RAB11A: variants seen among roughly 807,000 people sequenced by gnomAD.
RAB11A encodes the protein ras-related protein Rab-11A.
In RAB11A, 9 loss-of-function variants were observed where a neutral mutation model predicts 28.0. The ratio of observed to expected loss-of-function variants is 0.32; its 90% CI spans 0.19 to 0.56. The LOEUF is 0.56. Ranked by LOEUF, RAB11A falls within the 20% of genes least tolerant of loss-of-function variation. RAB11A has a pLI of 0.91. For missense variants in RAB11A, 108 were observed against 269.6 expected (o/e 0.40, Z 4.20); for synonymous variants, 85 against 88.2 (o/e 0.96, Z 0.20).
intron 4 of RAB11A, among the ~76,000 whole-genome samples, chr15:65,883,248 C>T (rs2078233967): frequency 6.6e-6 from 1 of 152,188 alleles, no homozygotes; most frequent in African/African-American, 2.4e-5. Flanking sequence ...TCAGGTCATG[C>T]GTTTCATTCA....
At chr15:65,876,582 C>CAAGTG (rs1381106415) in intron 1 of RAB11A, among the ~76,000 whole-genome samples, 19 of 152,312 alleles carry the variant, frequency 1.2e-4, no homozygotes, top group Admixed American at 2.6e-4. Flanking sequence ...CAGGTGTGAG[C>CAAGTG]CACCACACCC....
At chr15:65,887,465 C>G (rs2078262463) in intron 4 of RAB11A, among the ~76,000 whole-genome samples, 1 of 152,202 alleles carries the variant, frequency 6.6e-6, no homozygotes, top group Non-Finnish European at 1.5e-5. Context: ...ACTGGTGAAC[C>G]TTTCCCTCTG....
At chr15:65,871,898 G>T (rs1170005200) in intron 1 of RAB11A, among the ~76,000 whole-genome samples, 2 of 140,940 alleles carry the variant, frequency 1.4e-5, no homozygotes, top group African/African-American at 5.2e-5. Context: ...TAATGTGAAA[G>T]AAGTTACTGT....
intron 3 of RAB11A, 120 bp from the exon 4 acceptor site, chr15:65,879,551 C>T (rs1345433189): frequency 1.5e-6 from 1 of 647,412 alleles, no homozygotes; most frequent in Non-Finnish European, 2.7e-6. Flanking sequence ...CTTACTGTCC[C>T]AGAAGTTGAG....
intron 4 of RAB11A, among the ~76,000 whole-genome samples, chr15:65,882,436 A>G (rs1279899141): frequency 6.6e-6 from 1 of 152,220 alleles, no homozygotes; most frequent in East Asian, 1.9e-4. Flanking sequence ...GTGTTTTGAT[A>G]TTGCTGAAAG....
intron 1 of RAB11A, among the ~76,000 whole-genome samples, chr15:65,873,429 T>C (rs1249578345): frequency 4.6e-5 from 7 of 152,254 alleles, no homozygotes; most frequent in Non-Finnish European, 1.0e-4. Flanking sequence ...GGAACTTTGC[T>C]GTCTTGCATC....
At chr15:65,874,869 A>G (rs1050545042) in intron 1 of RAB11A, among the ~76,000 whole-genome samples, 4 of 152,006 alleles carry the variant, frequency 2.6e-5, no homozygotes, top group African/African-American at 4.8e-5. Flanking sequence ...CAACATGGCA[A>G]AACCCCATCT....
At chr15:65,873,565 A>ATATT (rs2078175978) in intron 1 of RAB11A, among the ~76,000 whole-genome samples, 1 of 151,740 alleles carries the variant, frequency 6.6e-6, no homozygotes, top group African/African-American at 2.4e-5. Context: ...ATATATATAT[A>ATATT]TTTTTTGAGG....
chr15:65,881,749 G>A (rs567431573), intron 4 of RAB11A, among the ~76,000 whole-genome samples: 3 of 152,180 alleles, frequency 2.0e-5, no homozygotes, highest in African/African-American at 7.2e-5. Context: ...ATTTTGGGAG[G>A]CTGAGGCAGG....
chr15:65,879,878 A>C, intron 4 of RAB11A, 127 bp downstream of exon 4: 2 of 703,738 alleles, frequency 2.8e-6, no homozygotes, highest in South Asian at 4.4e-5. Context: ...CTACTCTAGC[A>C]AAAGCTGTTT....
chr15:65,876,391 G>C (rs1323082681), intron 1 of RAB11A, among the ~76,000 whole-genome samples: 1 of 151,968 alleles, frequency 6.6e-6, no homozygotes, highest in Non-Finnish European at 1.5e-5. Flanking sequence ...CTGCTTCCCG[G>C]GTTCAAGCTA....
Position 65,887,883 on chromosome 15 carries a change from C to T in RAB11A, c.*43C>T. ...CTAGAAGGCTGTGTATAGTCCATTT[C>T]CCAGGTCTGAGATTTAAATATATTT... On this transcript the variant is annotated 3_prime_UTR_variant, in exon 5 of 5. Coordinates refer to ENST00000261890, the MANE Select transcript of RAB11A (RefSeq NM_004663.5). 6.8e-7 allele frequency: 1 copy of T among 1,464,522 alleles called. No individual in the cohort carries two copies. Among genetic ancestry groups the T allele is most frequent in the Non-Finnish European group, 9.1e-7 (1 of 1,102,098 alleles). The allele number at this position is 1,464,522 out of a possible 1,614,324, so 90.7% of individuals were successfully genotyped here. A position where few individuals can be genotyped will look rare whatever the true frequency, so the allele number is the denominator to read the frequency against.
chr15:65,870,493 A>T (rs918798656), intron 1 of RAB11A, among the ~76,000 whole-genome samples: 3 of 152,094 alleles, frequency 2.0e-5, no homozygotes, highest in African/African-American at 7.2e-5. Flanking sequence ...GTGGCACCCA[A>T]CCCGGGATAA....
At position 65,890,780 on chromosome 15, in the gene RAB11A, A is replaced by G. The variant is rs2078288331; in HGVS notation, c.*2940A>G. 1 of 152,256 alleles carries G rather than the reference A, an allele frequency of 6.6e-6. No individual in the cohort carries two copies. Among genetic ancestry groups the G allele is most frequent in the Admixed American group, 6.5e-5 (1 of 15,288 alleles). 9.4% of individuals were successfully genotyped at this position (152,256 alleles called of 1,614,324 possible). The stretch of plus-strand genomic sequence containing the variant: ...TATTTAGACAGTTTTGGCCAACACT[A>G]GAAGCAAAAGAATTCAAAGGCTGGG... On this transcript the variant is annotated 3_prime_UTR_variant, in exon 5 of 5. Coordinates refer to ENST00000261890, the MANE Select transcript of RAB11A (RefSeq NM_004663.5).
At chr15:65,876,854 G>A (rs796789865) in intron 1 of RAB11A, among the ~76,000 whole-genome samples, 1 of 152,300 alleles carries the variant, frequency 6.6e-6, no homozygotes, top group South Asian at 2.1e-4. Flanking sequence ...ATGAAACGAA[G>A]TATATTCATT....
At chr15:65,870,983 G>T (rs1209827661) in intron 1 of RAB11A, among the ~76,000 whole-genome samples, 1 of 152,110 alleles carries the variant, frequency 6.6e-6, no homozygotes, top group Non-Finnish European at 1.5e-5. Context: ...CTCTGCTCCT[G>T]AATTGGGAAG....
chr15:65,878,592 T>C (rs1043086730), intron 3 of RAB11A, among the ~76,000 whole-genome samples: 1 of 152,102 alleles, frequency 6.6e-6, no homozygotes, highest in Non-Finnish European at 1.5e-5. Flanking sequence ...GGCAGGAGAA[T>C]GGCGTGAACC....
rs577600593 is a variant in RAB11A at position 65,888,010 on chromosome 15, C to T, written c.*170C>T. 7.9e-5 allele frequency: 48 copies of T among 606,722 alleles called. No individual in the cohort carries two copies. The highest frequency in any genetic ancestry group is 8.8e-5 in the South Asian group (2 of 22,654). 37.6% of individuals were successfully genotyped at this position (606,722 alleles called of 1,614,324 possible). On this transcript the variant is annotated 3_prime_UTR_variant, in exon 5 of 5. Coordinates refer to ENST00000261890, the MANE Select transcript of RAB11A (RefSeq NM_004663.5). The stretch of plus-strand genomic sequence containing the variant: ...GCTTTATAAAATCATCCACTTGTCC[C>T]GAATGACTGCAGCTTTTTTTCATGC...
chr15:65,885,875 C>T (rs2078253081), intron 4 of RAB11A, among the ~76,000 whole-genome samples: 1 of 152,216 alleles, frequency 6.6e-6, no homozygotes, highest in African/African-American at 2.4e-5. Flanking sequence ...TTATGCCATT[C>T]TGGCAAAACA....
Sources: gnomAD v4.1 joint callset for allele counts (sites outside exome capture counted in the v4.1 genomes callset) on GRCh38, gnomAD v4.1.1 for gene constraint, MANE v1.5 for transcripts, NCBI Gene and HGNC (gene_info 2026-07-23, HGNC 2026-07-21) for gene names.